The following SLC2A5 variants were observed in gnomAD, a reference collection of about 807,000 sequenced individuals.
SLC2A5 encodes solute carrier family 2 member 5.
Under a neutral mutation model 50.3 loss-of-function variants are expected in SLC2A5, and 56 were observed. The ratio of observed to expected loss-of-function variants is 1.11; its 90% confidence interval spans 0.90 to 1.39. The LOEUF is 1.39. SLC2A5 is among the 40% of genes most tolerant of loss of function. The probability of loss-of-function intolerance (pLI) is 0.00; values close to 1 mark genes in which losing one functional copy is unlikely to be tolerated. For missense variants in SLC2A5, 566 were observed against 650.1 expected (o/e 0.87, Z 1.41); for synonymous variants, 269 against 281.9 (o/e 0.95, Z 0.46).
intron 2 of SLC2A5, among the ~76,000 whole-genome samples, chr1:9,083,933 A>G (rs1642378239): frequency 6.6e-6 from 1 of 152,162 alleles, no homozygotes; most frequent in Non-Finnish European, 1.5e-5. Flanking sequence ...TCACGAGGTC[A>G]GGAGATCGAG....
At chr1:9,039,080 TG>T (rs1641220025) in intron 8 of SLC2A5, 151 bp from the exon 9 acceptor site, 2 of 973,126 alleles carry the variant, frequency 2.1e-6, no homozygotes, top group Non-Finnish European at 3.0e-6. Flanking sequence ...GACATGCCCT[TG>T]GGCAGCCAGC....
chr1:9,040,416 C>G lies in SLC2A5; in HGVS notation c.572-227G>C, dbSNP rs138084863. 40 of 562,674 alleles carry G rather than the reference C, an allele frequency of 7.1e-5. No homozygotes were observed. Among genetic ancestry groups the G allele is most frequent in the African/African-American group, 6.4e-4 (33 of 51,798 alleles). The allele number at this position is 562,674 out of a possible 1,614,324, so 34.9% of individuals were successfully genotyped here. A position where few individuals can be genotyped will look rare whatever the true frequency, so the allele number is the denominator to read the frequency against. On this transcript the variant is annotated intron_variant, in intron 5 of 11. Coordinates refer to ENST00000377424, the MANE Select transcript of SLC2A5 (RefSeq NM_003039.3). This position sits in a 1 kb window ranked among gnomAD's most constrained non-coding sequence, Gnocchi z 4.3. ...GCGCCCATCAGACAGACCACACCGACGAGGCCGGTAATACCATGTGCTGGT... is the reference window on the plus strand; with the variant it reads ...GCGCCCATCAGACAGACCACACCGAGGAGGCCGGTAATACCATGTGCTGGT...
rs1308052930 is a variant in SLC2A5, at chr1:9,038,532, C to T, written c.1099-26G>A. 5.0e-6 allele frequency: 8 copies of T among 1,595,930 alleles called. 1 individual carries two copies. In the South Asian group the frequency reaches 7.8e-5, roughly 15 times the overall value. ...CTGTGGAGAGAAAGCAGTTGGTTCA[C>T]CTGGAGCAGACAAGCTAGGACGGGA... is the stretch of plus-strand genomic sequence containing the variant. On this transcript the variant is annotated intron_variant, in intron 9 of 11. Transcript: ENST00000377424.
At chr1:9,048,543 A>G (rs1372828669) in intron 3 of SLC2A5, among the ~76,000 whole-genome samples, 1 of 152,164 alleles carries the variant, frequency 6.6e-6, no homozygotes, top group Non-Finnish European at 1.5e-5. Context: ...GTAAACAAAC[A>G]TTATATTGGG....
upstream of SLC2A5, among the ~76,000 whole-genome samples, chr1:9,089,176 A>T (rs772050725): frequency 2.0e-5 from 3 of 152,204 alleles, no homozygotes; most frequent in Non-Finnish European, 4.4e-5. Context: ...GAACTTACCA[A>T]CAGGGAGATG....
chr1:9,085,016 C>T (rs754042350), exon 2 of SLC2A5: 38 of 152,652 alleles, frequency 2.5e-4, no homozygotes, highest in Admixed American at 1.3e-4. Context: ...TGACTTACCC[C>T]GGCCTTGCAC....
chr1:9,076,401 G>T (rs1046491957), intron 2 of SLC2A5, among the ~76,000 whole-genome samples: 2 of 152,186 alleles, frequency 1.3e-5, no homozygotes, highest in Non-Finnish European at 2.9e-5. Flanking sequence ...ACTTGTTTGT[G>T]TTCAGATTGT....
chr1:9,041,232 G>A (rs1046315602), intron 5 of SLC2A5: 22 of 397,638 alleles, frequency 5.5e-5, no homozygotes, highest in Middle Eastern at 6.2e-4. Flanking sequence ...AAACAACCCC[G>A]GTTACAGGTG....
chr1:9,060,106 TAC>T (rs965812592), intron 1 of SLC2A5, among the ~76,000 whole-genome samples: 6 of 100,638 alleles, frequency 6.0e-5, no homozygotes, highest in East Asian at 7.6e-4. Context: ...ACACACACAA[TAC>T]ACACACACTA....
At chr1:9,049,293 G>A in intron 3 of SLC2A5, 1 of 419,200 alleles carries the variant, frequency 2.4e-6, no homozygotes, top group Non-Finnish European at 4.8e-6. Context: ...GAATCAGACT[G>A]GACTATAAAA....
At chr1:9,047,573 C>A in intron 4 of SLC2A5, 37 bp downstream of exon 4, 1 of 1,604,590 alleles carries the variant, frequency 6.2e-7, no homozygotes, top group East Asian at 2.2e-5. Flanking sequence ...TCCTTGACGA[C>A]CCTCACAGAA....
In SLC2A5 at chr1:9,041,789, T is replaced by C. The variant is rs1641309960; in HGVS notation, c.567A>G (p.Val189=). Reference sequence around the variant, plus strand: ...CCCGAGATGTCCTGAACTCACCATCTACGTTTGCAAGGAGATTCCGAAGAC... The same window carrying C: ...CCCGAGATGTCCTGAACTCACCATCCACGTTTGCAAGGAGATTCCGAAGAC... ...IFGLRNLLAN[V]DGWPILLGLT... is the part of the protein sequence containing the mutation. Residue 189 remains valine, a synonymous_variant, in exon 5 of 12, where the codon GTA becomes GTG. Transcript: ENST00000377424. 5 of 1,614,022 alleles carry C rather than the reference T, an allele frequency of 3.1e-6. No homozygotes were observed. Among genetic ancestry groups the C allele is most frequent in the Non-Finnish European group, 4.2e-6 (5 of 1,180,010 alleles).
intron 2 of SLC2A5, among the ~76,000 whole-genome samples, chr1:9,076,066 T>C (rs970513070): frequency 6.6e-6 from 1 of 151,730 alleles, no homozygotes; most frequent in Non-Finnish European, 1.5e-5. Context: ...AGCGATTCTC[T>C]TGCCTCAGCC....
At chr1:9,053,106 AATATATATTAT>A (rs1557669890) in intron 3 of SLC2A5, among the ~76,000 whole-genome samples, 1 of 107,386 alleles carries the variant, frequency 9.3e-6, no homozygotes, top group African/African-American at 3.9e-5. Context: ...ATTTATATAT[AATATATATTAT>A]ATATTTATAT....
At chr1:9,058,626 G>A (rs1357269120) in intron 1 of SLC2A5, among the ~76,000 whole-genome samples, 2 of 152,224 alleles carry the variant, frequency 1.3e-5, no homozygotes, top group Non-Finnish European at 2.9e-5. Context: ...GAGAGAAGCT[G>A]AAACCTACTT....
At chr1:9,065,959 T>C (rs1049226203) in intron 1 of SLC2A5, among the ~76,000 whole-genome samples, 2 of 152,186 alleles carry the variant, frequency 1.3e-5, no homozygotes, top group Non-Finnish European at 1.5e-5. Context: ...AAAAATTTTT[T>C]TTTGAGGATA....
At chr1:9,048,986 A>G (rs939455568) in intron 3 of SLC2A5, 1 of 364,902 alleles carries the variant, frequency 2.7e-6, no homozygotes, top group South Asian at 2.1e-5. Context: ...TTAACAAACT[A>G]TAAATAGAAG....
intron 3 of SLC2A5, among the ~76,000 whole-genome samples, chr1:9,053,075 AT>A (rs548909413): frequency 0.012 from 1,320 of 110,598 alleles, 28 homozygotes; most frequent in African/African-American, 0.05. Flanking sequence ...TTATATATTT[AT>A]ATATTAATAT....
intron 3 of SLC2A5, among the ~76,000 whole-genome samples, chr1:9,050,458 A>G (rs1396007935): frequency 2.0e-5 from 3 of 152,042 alleles, no homozygotes; most frequent in Non-Finnish European, 2.9e-5. Context: ...CCCTGTCTCA[A>G]AAACAAAAAA....
Sources: gnomAD v4.1 joint callset for allele counts (sites outside exome capture counted in the v4.1 genomes callset) on GRCh38, gnomAD v4.1.1 for gene constraint, Gnocchi (gnomAD v3.1) non-coding constraint, MANE v1.5 for transcripts, NCBI Gene and HGNC (gene_info 2026-07-23, HGNC 2026-07-21) for gene names.